The following C19orf47 variants were observed in gnomAD, a reference collection of about 807,000 sequenced individuals.
The protein encoded by C19orf47 is chromosome 19 open reading frame 47, also known as uncharacterized protein C19orf47.
C19orf47 carries 18 observed loss-of-function variants against 32.3 expected under a neutral mutation model. The observed-to-expected ratio is 0.56, with a 90% CI of 0.39 to 0.83. C19orf47 has a LOEUF of 0.83. Ranked by LOEUF, C19orf47 falls within the 40% of genes least tolerant of loss-of-function variation. The probability of loss-of-function intolerance (pLI) is 0.00; values close to 1 mark genes in which losing one functional copy is unlikely to be tolerated. For missense variants in C19orf47, 484 were observed against 531.6 expected (o/e 0.91, Z 0.88); for synonymous variants, 202 against 211.1 (o/e 0.96, Z 0.37).
At chr19:40,323,900 G>C in intron 8 of C19orf47, 106 bp downstream of exon 8, 2 of 1,385,142 alleles carry the variant, frequency 1.4e-6, no homozygotes, top group Non-Finnish European at 2.1e-6. Flanking sequence ...AGGCAGGTTA[G>C]ACGGCCCTGG....
the C19orf47 span, among the ~76,000 whole-genome samples, chr19:40,304,271 T>C: frequency 1.3e-5 from 2 of 152,118 alleles, no homozygotes; most frequent in South Asian, 2.1e-4. Flanking sequence ...ATACATCCCT[T>C]TGATAGACTG....
chr19:40,339,984 A>C lies in C19orf47; in HGVS notation c.19+1855T>G, dbSNP rs187689784. 5.0e-3 allele frequency among the ~76,000 whole-genome samples: 753 copies of C among 151,554 alleles called. 3 individuals are homozygous for C. Among genetic ancestry groups the C allele is most frequent in the South Asian group, 0.017 (80 of 4,804 alleles). On this transcript the variant is annotated intron_variant, in intron 2 of 8. Coordinates refer to ENST00000683109, the MANE Select transcript of C19orf47 (RefSeq NM_001256441.2). Reference sequence around the variant, plus strand: ...AAGCGAAACTCCATCTCAAAACAAAAAAAAAAAAAAACAAAAAAAGAAAGG... The same window carrying C: ...AAGCGAAACTCCATCTCAAAACAAACAAAAAAAAAAACAAAAAAAGAAAGG...
At chr19:40,346,367 C>G (rs1193283106) in intron 1 of C19orf47, among the ~76,000 whole-genome samples, 2 of 147,854 alleles carry the variant, frequency 1.4e-5, no homozygotes, top group African/African-American at 5.0e-5. Context: ...TGCTTAAGCC[C>G]GGGAGGCAGA....
Position 40,333,924 on chromosome 19 carries a change from C to A in C19orf47, c.228G>T (p.Met76Ile). 6.4e-7 allele frequency: 1 copy of A among 1,564,860 alleles called. No homozygotes were observed. The highest frequency in any genetic ancestry group is 8.7e-7 in the Non-Finnish European group (1 of 1,153,890). The change falls in exon 5 of 9, where the codon ATG (methionine) becomes ATT (isoleucine). Residue 76 changes from methionine (M) to isoleucine (I), a missense_variant. This residue lies in a region of C19orf47 where 376 missense variants were observed against 370.2 expected (regional missense o/e 1.02). Transcript: ENST00000683109. ...KHAKVVHRQD[M>I]CKAATESVPC... is the part of the protein sequence containing the mutation. ...GTACTGACTCAGTGGCAGCTTTGCA[C>A]ATGTCCTGTGAAAAAAGAACAGGCA...
chr19:40,348,421 G>A (rs1247307061), upstream of C19orf47: 4 of 1,457,938 alleles, frequency 2.7e-6, no homozygotes, highest in Non-Finnish European at 2.7e-6. Context: ...TGCCCGCCCC[G>A]GAAGCATCCT....
intron 2 of C19orf47, among the ~76,000 whole-genome samples, chr19:40,337,615 T>A (rs1028991794): frequency 4.8e-4 from 73 of 152,326 alleles, no homozygotes; most frequent in African/African-American, 1.7e-3. Context: ...CTATTTTAGA[T>A]TAGAAGAAAT....
chr19:40,341,703 G>A, intron 2 of C19orf47, 136 bp downstream of exon 2: 3 of 1,300,362 alleles, frequency 2.3e-6, no homozygotes, highest in Non-Finnish European at 3.1e-6. Context: ...GCCCCACCCT[G>A]CCACGGTCCT....
chr19:40,338,874 T>C (rs2078123053), intron 2 of C19orf47, among the ~76,000 whole-genome samples: 1 of 152,304 alleles, frequency 6.6e-6, no homozygotes, highest in East Asian at 1.9e-4. Context: ...ATTATGGTGA[T>C]GGCTGCACAA....
intron 1 of C19orf47, among the ~76,000 whole-genome samples, chr19:40,346,310 G>T (rs2078277030): frequency 6.7e-6 from 1 of 149,904 alleles, no homozygotes; most frequent in East Asian, 2.0e-4. Context: ...AGGCGTGGTG[G>T]TGGGCACCTG....
the C19orf47 span, chr19:40,299,662 T>G: frequency 6.6e-6 from 1 of 152,198 alleles, no homozygotes; most frequent in Non-Finnish European, 1.5e-5. Flanking sequence ...TCTTTTGACC[T>G]TGAATTAACT....
At chr19:40,316,790 T>A (rs2077664947), downstream of C19orf47, among the ~76,000 whole-genome samples, 1 of 152,184 alleles carries the variant, frequency 6.6e-6, no homozygotes, top group South Asian at 2.1e-4. Flanking sequence ...CACCCCTGAA[T>A]TGATCCCATG....
intron 1 of C19orf47, among the ~76,000 whole-genome samples, chr19:40,345,776 G>A (rs376350272): frequency 2.0e-4 from 30 of 150,964 alleles, no homozygotes; most frequent in East Asian, 5.8e-4. Flanking sequence ...CGGGGCGGGG[G>A]GGGGAGAGGT....
chr19:40,342,692 G>C (rs895073274), intron 1 of C19orf47, among the ~76,000 whole-genome samples: 17 of 152,306 alleles, frequency 1.1e-4, no homozygotes, highest in African/African-American at 4.1e-4. Context: ...GATCAGGGAA[G>C]ACCTAAAGCA....
At position 40,321,723 on chromosome 19, in the gene C19orf47, A is replaced by G; in HGVS notation, c.*159T>C. ...CGACGACCATCCCAGGCTAGGAGAA[A>G]TGGGGTGATCCCCCGAATGCTCGGG... On this transcript the variant is annotated 3_prime_UTR_variant, in exon 9 of 9. Coordinates refer to ENST00000683109, the MANE Select transcript of C19orf47 (RefSeq NM_001256441.2). 7.0e-7 allele frequency: 1 copy of G among 1,428,260 alleles called. No individual in the cohort carries two copies. Among genetic ancestry groups the G allele is most frequent in the Non-Finnish European group, 9.1e-7 (1 of 1,096,504 alleles). 88.5% of individuals were successfully genotyped at this position (1,428,260 alleles called of 1,614,324 possible).
the C19orf47 span, among the ~76,000 whole-genome samples, chr19:40,297,467 C>A: frequency 2.0e-5 from 3 of 152,084 alleles, no homozygotes; most frequent in African/African-American, 4.8e-5. Flanking sequence ...CCTTGGGAGG[C>A]CGAGGTGAGT....
the C19orf47 span, among the ~76,000 whole-genome samples, chr19:40,295,172 C>A: frequency 6.6e-6 from 1 of 152,210 alleles, no homozygotes; most frequent in African/African-American, 2.4e-5. Context: ...CAGGTGCCTG[C>A]TACCACGCCC....
downstream of C19orf47, among the ~76,000 whole-genome samples, chr19:40,316,728 T>C (rs1287034425): frequency 6.6e-6 from 1 of 152,218 alleles, no homozygotes; most frequent in East Asian, 1.9e-4. Flanking sequence ...AACGGACTCA[T>C]CACCAGTATT....
the C19orf47 span, among the ~76,000 whole-genome samples, chr19:40,308,724 A>G: frequency 6.6e-6 from 1 of 151,982 alleles, no homozygotes; most frequent in African/African-American, 2.4e-5. Context: ...TCAGCCTCCC[A>G]AAGTGTTGGG....
At chr19:40,301,629 C>T in the C19orf47 span, among the ~76,000 whole-genome samples, 2 of 151,686 alleles carry the variant, frequency 1.3e-5, no homozygotes, top group Admixed American at 1.3e-4. Flanking sequence ...TGCGAGCCAC[C>T]GCGCCTGGCC....
Sources: allele counts gnomAD v4.1 joint callset (sites outside exome capture counted in the v4.1 genomes callset), GRCh38; gene constraint gnomAD v4.1.1; regional missense constraint gnomAD v4.1.1; transcripts MANE v1.5; gene names NCBI Gene and HGNC (gene_info 2026-07-23, HGNC 2026-07-21).